The following CTNNA2 variants were observed in gnomAD, a reference collection of about 807,000 sequenced individuals.
CTNNA2 encodes catenin alpha 2.
CTNNA2 carries 42 observed loss-of-function variants against 101.0 expected under a neutral mutation model. The observed-to-expected ratio is 0.42, with a 90% confidence interval of 0.32 to 0.54. CTNNA2 has a LOEUF of 0.54. Among genes scored for constraint, CTNNA2 ranks in the 20% least tolerant of loss-of-function variants. The pLI is 0.14. For missense variants in CTNNA2, 871 were observed against 1,223.1 expected, an observed-to-expected ratio of 0.71 and a Z score of 4.29; for synonymous variants, 450 against 456.4, an observed-to-expected ratio of 0.99 and a Z score of 0.18.
chr2:79,200,034 AG>A (rs1262666504), intron 2 of CTNNA2, among the ~76,000 whole-genome samples: 10 of 92,102 alleles, frequency 1.1e-4, no homozygotes, highest in African/African-American at 7.3e-4. Context: ...AATGAGACAG[AG>A]AGAGAGAGAG....
chr2:79,547,758 A>G (rs1673830954), intron 1 of CTNNA2: 3 of 152,494 alleles, frequency 2.0e-5, no homozygotes, highest in South Asian at 2.1e-4. Flanking sequence ...TTCAAGTCTA[A>G]TGAAACTACC....
chr2:79,486,790 C>G (rs1671162893), intron 4 of CTNNA2, among the ~76,000 whole-genome samples: 1 of 152,160 alleles, frequency 6.6e-6, no homozygotes, highest in Admixed American at 6.5e-5. Flanking sequence ...GATGGTATCT[C>G]ATTGTGGTTT....
rs146569721 is a variant in CTNNA2, at chr2:80,475,204, A to G, written c.1290+55603A>G. ...TAATAAGTACGTGTGCCAATGATGA[A>G]GTGGCCAACAGTATCCCTCCACTGG... is the stretch of plus-strand genomic sequence containing the variant. On this transcript the variant is annotated intron_variant, in intron 9 of 18. Coordinates refer to ENST00000402739, the MANE Select transcript of CTNNA2 (RefSeq NM_001282597.3). Among the ~76,000 whole-genome samples the G allele has an allele frequency of 1.2e-4, 18 of 152,334 alleles. No individual in the cohort carries two copies. In the East Asian group the frequency reaches 3.5e-3, roughly 29 times the overall value.
chr2:79,929,120 G>A (rs2916530), intron 7 of CTNNA2, among the ~76,000 whole-genome samples: 110,593 of 152,028 alleles, frequency 0.73, 41,000 homozygotes, highest in East Asian at 0.88. Context: ...GACTTTCCAC[G>A]TTTTTAATGT....
intron 7 of CTNNA2, among the ~76,000 whole-genome samples, chr2:80,286,287 C>T (rs566782186): frequency 6.6e-6 from 1 of 152,288 alleles, no homozygotes; most frequent in East Asian, 1.9e-4. Context: ...CCTTCAAGTA[C>T]TTTCTTCTTT....
chr2:80,394,662 C>T (rs1481362415), intron 8 of CTNNA2, among the ~76,000 whole-genome samples: 1 of 152,066 alleles, frequency 6.6e-6, no homozygotes, highest in Non-Finnish European at 1.5e-5. Flanking sequence ...GATATCAGAG[C>T]CCTTGGTTTT....
At chr2:79,285,933 T>A (rs376917663) in intron 2 of CTNNA2, among the ~76,000 whole-genome samples, 3 of 147,720 alleles carry the variant, frequency 2.0e-5, no homozygotes, top group Non-Finnish European at 2.9e-5. Flanking sequence ...TGAATCTGGG[T>A]GCTCCTGTAT....
At chr2:79,801,063 T>C (rs1269275719) in intron 3 of CTNNA2, among the ~76,000 whole-genome samples, 2 of 152,246 alleles carry the variant, frequency 1.3e-5, no homozygotes, top group East Asian at 3.8e-4. Flanking sequence ...TAGTAGTTTA[T>C]GTACTAATTA....
At chr2:79,983,491 G>A (rs1691537313) in intron 7 of CTNNA2, among the ~76,000 whole-genome samples, 1 of 152,150 alleles carries the variant, frequency 6.6e-6, no homozygotes, top group Non-Finnish European at 1.5e-5. Context: ...GCTTCTCTAA[G>A]AGAACTTGGT....
chr2:79,889,979 T>C (rs943877347), intron 6 of CTNNA2, among the ~76,000 whole-genome samples: 9 of 152,184 alleles, frequency 5.9e-5, no homozygotes. Context: ...TTAAATTACC[T>C]CTTGGTGTAA....
chr2:79,753,913 G>A (rs1672220581), intron 3 of CTNNA2, among the ~76,000 whole-genome samples: 1 of 140,738 alleles, frequency 7.1e-6, no homozygotes, highest in South Asian at 2.2e-4. Flanking sequence ...CTGTCACCCA[G>A]GTTGGAGTGC....
At chr2:79,563,523 A>G (rs1238757257) in intron 1 of CTNNA2, among the ~76,000 whole-genome samples, 1 of 152,072 alleles carries the variant, frequency 6.6e-6, no homozygotes, top group Non-Finnish European at 1.5e-5. Context: ...GCTTGTCTCT[A>G]ATGGGCTGCC....
At chr2:80,615,668 A>C (rs1025444388) in intron 17 of CTNNA2, among the ~76,000 whole-genome samples, 1 of 151,664 alleles carries the variant, frequency 6.6e-6, no homozygotes, top group Non-Finnish European at 1.5e-5. Flanking sequence ...TAGAAATAAA[A>C]GTGTGTTTAA....
chr2:79,754,115 C>T lies in CTNNA2; in HGVS notation c.298+9533C>T, dbSNP rs192539657. On this transcript the variant is annotated intron_variant, in intron 3 of 18. Coordinates refer to ENST00000402739, the MANE Select transcript of CTNNA2 (RefSeq NM_001282597.3). ...AACTCCTGATCTTGTGATCTGCCCA[C>T]CTAGGCCTCCCAAAGAGCTGTGATT... Among the ~76,000 whole-genome samples the T allele has an allele frequency of 5.3e-5, 8 of 152,220 alleles. No individual in the cohort carries two copies. In the East Asian group the frequency reaches 1.4e-3, roughly 26 times the overall value.
intron 9 of CTNNA2, among the ~76,000 whole-genome samples, chr2:80,528,249 A>G (rs111660508): frequency 0.038 from 5,714 of 152,186 alleles, 153 homozygotes; most frequent in Non-Finnish European, 0.057. Context: ...AGGCTGGAGT[A>G]CAGTGGCGTG....
chr2:79,770,010 C>T (rs79010203), intron 3 of CTNNA2, among the ~76,000 whole-genome samples: 4,623 of 152,174 alleles, frequency 0.03, 219 homozygotes, highest in African/African-American at 0.1. Flanking sequence ...AAATTGTTAC[C>T]TTACTGGCAG....
In CTNNA2 at chr2:80,603,930, TAAGC is replaced by T. The variant is rs1264860861; in HGVS notation, c.2190-142_2190-139del. 5.8e-5 allele frequency: 34 copies of T among 584,364 alleles called. No homozygotes were observed. The Admixed American group carries it at 8.4e-4, about 14-fold the overall frequency. The allele number at this position is 584,364 out of a possible 1,614,324, so 36.2% of individuals were successfully genotyped here. ...CGACTACTAATATAGAAACTGGAGT[TAAGC>T]AGGAAAATATTCAAAATTCGACTAA... On this transcript the variant is annotated intron_variant, in intron 15 of 18. Coordinates refer to ENST00000402739, the MANE Select transcript of CTNNA2 (RefSeq NM_001282597.3).
intron 8 of CTNNA2, among the ~76,000 whole-genome samples, 196 bp downstream of exon 8, chr2:80,393,487 A>G (rs1327527540): frequency 1.3e-5 from 2 of 152,190 alleles, no homozygotes; most frequent in Non-Finnish European, 2.9e-5. Flanking sequence ...AAGCAAGGAG[A>G]CAGTTCCTGA....
chr2:79,335,226 C>G (rs1164102565), intron 3 of CTNNA2, among the ~76,000 whole-genome samples: 3 of 152,156 alleles, frequency 2.0e-5, no homozygotes, highest in Non-Finnish European at 4.4e-5. Flanking sequence ...CCTCAGAATA[C>G]CTCACTGCAG....
Sources: gnomAD v4.1 joint callset for allele counts (sites outside exome capture counted in the v4.1 genomes callset) on GRCh38, gnomAD v4.1.1 for gene constraint, MANE v1.5 for transcripts, NCBI Gene and HGNC (gene_info 2026-07-23, HGNC 2026-07-21) for gene names.